Variants in ANKRD28 observed in about 807,000 individuals in gnomAD.
ANKRD28 encodes the protein ankyrin repeat domain 28, also known as serine/threonine-protein phosphatase 6 regulatory ankyrin repeat subunit A.
A neutral mutation model predicts 126.5 loss-of-function variants in ANKRD28; 44 were observed. The ratio of observed to expected loss-of-function variants is 0.35; its 90% confidence interval spans 0.27 to 0.45. ANKRD28 has a LOEUF of 0.45. ANKRD28 is among the 20% of genes least tolerant of loss of function. The probability of loss-of-function intolerance (pLI) is 1.00; values close to 1 mark genes in which losing one functional copy is unlikely to be tolerated. For synonymous variants in ANKRD28, 442 were observed against 468.5 expected, an observed-to-expected ratio of 0.94 and a Z score of 0.73; for missense variants, 1,110 against 1,316.6, an observed-to-expected ratio of 0.84 and a Z score of 2.43.
At chr3:15,806,530 T>C (rs2060582943) in intron 1 of ANKRD28, among the ~76,000 whole-genome samples, 1 of 152,078 alleles carries the variant, frequency 6.6e-6, no homozygotes, top group South Asian at 2.1e-4. Context: ...TCACATCTTT[T>C]TTTTTTTTTG....
At position 15,712,225 on chromosome 3, in the gene ANKRD28, A is replaced by G. The variant is rs2072396624; in HGVS notation, c.1191-3T>C. 2 of 1,572,454 alleles carry G rather than the reference A, an allele frequency of 1.3e-6. No individual in the cohort carries two copies. The highest frequency in any genetic ancestry group is 1.7e-6 in the Non-Finnish European group (2 of 1,157,514). On this transcript the variant is annotated splice_polypyrimidine_tract_variant and splice_region_variant and intron_variant, in intron 10 of 27. Coordinates refer to ENST00000683139, the MANE Select transcript of ANKRD28 (RefSeq NM_001349278.2). ...GGAACATTCCATGTATGCCACGCCTAAAGTTAATAGAACAGGACAGTATCT... is the reference window on the plus strand; with the variant it reads ...GGAACATTCCATGTATGCCACGCCTGAAGTTAATAGAACAGGACAGTATCT...
At chr3:15,677,734 G>T (rs1482679444) in intron 24 of ANKRD28, 172 bp from the exon 25 acceptor site, 3 of 463,052 alleles carry the variant, frequency 6.5e-6, no homozygotes, top group Non-Finnish European at 7.7e-6. Context: ...AATTGTATGA[G>T]ACAATTATAT....
intron 3 of ANKRD28, among the ~76,000 whole-genome samples, chr3:15,760,900 A>G (rs1250906119): frequency 1.3e-5 from 2 of 152,206 alleles, no homozygotes; most frequent in Admixed American, 1.3e-4. Context: ...CACATCACTT[A>G]AAGGGCCAAG....
intron 14 of ANKRD28, among the ~76,000 whole-genome samples, 153 bp from the exon 15 acceptor site, chr3:15,696,398 G>T (rs999902544): frequency 2.0e-5 from 3 of 152,060 alleles, no homozygotes; most frequent in African/African-American, 7.2e-5. Context: ...TCATTTAAAT[G>T]ACACTGACTA....
chr3:15,806,415 C>G (rs903770079), intron 1 of ANKRD28, among the ~76,000 whole-genome samples: 10 of 152,134 alleles, frequency 6.6e-5, no homozygotes, highest in Admixed American at 2.6e-4. Context: ...TGTAAGACTA[C>G]TTATAAAACT....
At chr3:15,713,168 T>C (rs1251346631) in intron 10 of ANKRD28, among the ~76,000 whole-genome samples, 2 of 152,136 alleles carry the variant, frequency 1.3e-5, no homozygotes, top group Non-Finnish European at 2.9e-5. Flanking sequence ...AAAAGTATTA[T>C]CTACAGATAG....
At chr3:15,793,743 G>C (rs990537365) in intron 2 of ANKRD28, among the ~76,000 whole-genome samples, 4 of 152,070 alleles carry the variant, frequency 2.6e-5, no homozygotes, top group Non-Finnish European at 4.4e-5. Flanking sequence ...GTATACCCTG[G>C]GTAAAGTAGC....
intron 2 of ANKRD28, among the ~76,000 whole-genome samples, chr3:15,792,695 AACTT>A (rs1316615716): frequency 3.9e-5 from 6 of 152,204 alleles, no homozygotes; most frequent in Admixed American, 6.5e-5. Context: ...ATTTTAAAAT[AACTT>A]AAATAATGTA....
intron 5 of ANKRD28, among the ~76,000 whole-genome samples, chr3:15,736,169 A>G (rs371884097): frequency 3.3e-5 from 5 of 152,200 alleles, no homozygotes; most frequent in Admixed American, 2.6e-4. Flanking sequence ...AGGTGACTAC[A>G]CTACAGTTAC....
chr3:15,673,047 G>A (rs1016816495), intron 27 of ANKRD28, among the ~76,000 whole-genome samples: 21 of 152,170 alleles, frequency 1.4e-4, no homozygotes, highest in African/African-American at 4.8e-4. Flanking sequence ...AAAGTGCTAG[G>A]ACCATAGGCA....
intron 3 of ANKRD28, among the ~76,000 whole-genome samples, chr3:15,753,813 C>T (rs1360498191): frequency 6.6e-6 from 1 of 151,928 alleles, no homozygotes; most frequent in East Asian, 1.9e-4. Flanking sequence ...TGTGGTGGCC[C>T]GCGTGCACCT....
chr3:15,852,099 C>T (rs553056653), intron 1 of ANKRD28, among the ~76,000 whole-genome samples: 5 of 152,190 alleles, frequency 3.3e-5, no homozygotes, highest in African/African-American at 1.2e-4. Flanking sequence ...AGGTTTTTGT[C>T]ATAAAATGTT....
chr3:15,674,658 G>A (rs968996234), intron 27 of ANKRD28, among the ~76,000 whole-genome samples: 1 of 152,168 alleles, frequency 6.6e-6, no homozygotes, highest in African/African-American at 2.4e-5. Context: ...GAGAGCACTA[G>A]GGAGTCAATG....
At chr3:15,788,777 AAC>A (rs1362402055) in intron 2 of ANKRD28, among the ~76,000 whole-genome samples, 3 of 152,234 alleles carry the variant, frequency 2.0e-5, no homozygotes, top group Admixed American at 1.3e-4. Flanking sequence ...AAAATCTAGA[AAC>A]ACAAATGAAA....
chr3:15,772,291 CT>C (rs2059053132), intron 2 of ANKRD28, among the ~76,000 whole-genome samples: 1 of 152,066 alleles, frequency 6.6e-6, no homozygotes, highest in Non-Finnish European at 1.5e-5. Context: ...AATTAGTAAT[CT>C]TCAAGTCAGA....
chr3:15,706,157 TG>T (rs2071353091), intron 14 of ANKRD28, among the ~76,000 whole-genome samples: 1 of 152,130 alleles, frequency 6.6e-6, no homozygotes, highest in Admixed American at 6.5e-5. Flanking sequence ...TTGGCACATA[TG>T]TATACATGTG....
chr3:15,685,775 T>C (rs1205357476), intron 20 of ANKRD28, among the ~76,000 whole-genome samples: 1 of 152,240 alleles, frequency 6.6e-6, no homozygotes, highest in African/African-American at 2.4e-5. Context: ...ACATTAATTC[T>C]ACTAAAAGTT....
intron 4 of ANKRD28, among the ~76,000 whole-genome samples, chr3:15,746,623 T>C (rs2057493778): frequency 6.6e-6 from 1 of 152,208 alleles, no homozygotes; most frequent in Non-Finnish European, 1.5e-5. Context: ...GCCAGTATTT[T>C]GTTGAGGACT....
At chr3:15,692,242 G>A (rs1272417769) in intron 17 of ANKRD28, among the ~76,000 whole-genome samples, 1 of 151,952 alleles carries the variant, frequency 6.6e-6, no homozygotes, top group East Asian at 1.9e-4. Flanking sequence ...CTTGAGGCCA[G>A]GAGTTTGAGA....
Sources: gnomAD v4.1 joint callset for allele counts (sites outside exome capture counted in the v4.1 genomes callset) on GRCh38, gnomAD v4.1.1 for gene constraint, MANE v1.5 for transcripts, NCBI Gene and HGNC (gene_info 2026-07-23, HGNC 2026-07-21) for gene names.